MAD1L1: variants seen among roughly 807,000 people sequenced by gnomAD.
MAD1L1 encodes the protein mitotic arrest deficient 1 like 1.
MAD1L1 carries 95 observed loss-of-function variants against 96.9 expected under a neutral mutation model. The ratio of observed to expected loss-of-function variants is 0.98; its 90% CI spans 0.83 to 1.16. MAD1L1 has a LOEUF of 1.16. MAD1L1 is among the 50% of genes most tolerant of loss of function. The pLI is 0.00. For missense variants in MAD1L1, 1,007 were observed against 954.4 expected (o/e 1.06, Z -0.73); for synonymous variants, 473 against 396.6 (o/e 1.19, Z -2.29).
chr7:1,855,891 C>T (rs2128643986), intron 18 of MAD1L1, among the ~76,000 whole-genome samples: 1 of 152,292 alleles, frequency 6.6e-6, no homozygotes, highest in South Asian at 2.1e-4. Context: ...GCTGCTGGAA[C>T]CCCACAGACA....
In MAD1L1 at chr7:1,819,470, G is replaced by A. The variant is rs536363783; in HGVS notation, c.1999-3242C>T. ...CAGACCCTCGCTGGCCTGGCCTGGG[G>A]CTCACCTGCCCCTCTGGAAGCAGAG... On this transcript the variant is annotated intron_variant, in intron 18 of 18. Transcript: ENST00000265854. Among the ~76,000 whole-genome samples the A allele has an allele frequency of 3.2e-3, 489 of 152,312 alleles. 4 individuals carry two copies. The highest frequency in any genetic ancestry group is 0.011 in the African/African-American group (471 of 41,576).
Position 2,114,910 on chromosome 7 carries a change from G to C in MAD1L1, c.1073+34242C>G, listed in dbSNP as rs922250367. On this transcript the variant is annotated intron_variant, in intron 11 of 18. Coordinates refer to ENST00000265854, the MANE Select transcript of MAD1L1 (RefSeq NM_001013836.2). This position sits in a 1 kb window ranked among gnomAD's most constrained non-coding sequence, Gnocchi z 4.2. Reference sequence around the variant, plus strand: ...TCTGCTTTGCAAACACAAGGGCCTCGAAGCCCCGCCTTCCGGTGAGCACCG... The same window carrying C: ...TCTGCTTTGCAAACACAAGGGCCTCCAAGCCCCGCCTTCCGGTGAGCACCG... Among the ~76,000 whole-genome samples the C allele has an allele frequency of 6.6e-6, 1 of 152,180 alleles. No individual in the cohort carries two copies. Among genetic ancestry groups the C allele is most frequent in the African/African-American group, 2.4e-5 (1 of 41,432 alleles).
At chr7:2,109,192 T>C (rs1787249993) in intron 11 of MAD1L1, among the ~76,000 whole-genome samples, 1 of 152,032 alleles carries the variant, frequency 6.6e-6, no homozygotes, top group Non-Finnish European at 1.5e-5. Flanking sequence ...CGAGCTCTGC[T>C]CCTCCTGAAA....
intron 1 of MAD1L1, among the ~76,000 whole-genome samples, chr7:2,232,566 C>G (rs1015555911): frequency 6.6e-5 from 10 of 152,212 alleles, no homozygotes; most frequent in Non-Finnish European, 1.5e-4. Flanking sequence ...ACCACGAGCA[C>G]GCGCCCCTCG....
intron 12 of MAD1L1, among the ~76,000 whole-genome samples, chr7:2,056,304 T>G (rs1204702460): frequency 1.3e-5 from 2 of 152,200 alleles, no homozygotes. Flanking sequence ...TCATGAAGCC[T>G]CAGACCTAAA....
intron 11 of MAD1L1, among the ~76,000 whole-genome samples, chr7:2,133,395 C>T (rs1291232725): frequency 6.6e-6 from 1 of 152,260 alleles, no homozygotes; most frequent in Non-Finnish European, 1.5e-5. Flanking sequence ...ATTGGGTGGT[C>T]TGTTTCCTTA....
intron 12 of MAD1L1, among the ~76,000 whole-genome samples, chr7:2,060,368 T>C (rs1334870764): frequency 1.3e-5 from 2 of 150,118 alleles, no homozygotes; most frequent in East Asian, 4.0e-4. Context: ...GATGCCAAGA[T>C]ACACCGATGC....
intron 12 of MAD1L1, among the ~76,000 whole-genome samples, chr7:2,032,546 C>T (rs1413310957): frequency 6.6e-6 from 1 of 152,250 alleles, no homozygotes; most frequent in Non-Finnish European, 1.5e-5. Flanking sequence ...ACTGAAAGCT[C>T]ATCTCAGCTG....
chr7:1,903,301 C>T (rs1787383259), intron 17 of MAD1L1, among the ~76,000 whole-genome samples: 1 of 151,042 alleles, frequency 6.6e-6, no homozygotes. Context: ...AAGCACTGTT[C>T]CAGGCAGCGA....
intron 13 of MAD1L1, among the ~76,000 whole-genome samples, chr7:2,005,740 G>T (rs1782002964): frequency 6.6e-6 from 1 of 152,158 alleles, no homozygotes; most frequent in Non-Finnish European, 1.5e-5. Context: ...GGTTGAGGCT[G>T]CAGTGAGCCA....
intron 5 of MAD1L1, chr7:2,221,019 G>C: frequency 1.2e-6 from 2 of 1,612,048 alleles, no homozygotes; most frequent in South Asian, 2.2e-5. Context: ...TGACAATCAG[G>C]ACCCTGTGAC....
At chr7:1,816,314 G>C in intron 18 of MAD1L1, 86 bp from the exon 19 acceptor site, 1 of 1,360,856 alleles carries the variant, frequency 7.3e-7, no homozygotes, top group Non-Finnish European at 1.0e-6. Context: ...AGCCCCTCCA[G>C]CCATGGGGGC....
intron 12 of MAD1L1, among the ~76,000 whole-genome samples, chr7:2,020,153 C>G (rs185824314): frequency 1.1e-4 from 17 of 152,200 alleles, no homozygotes; most frequent in Admixed American, 5.2e-4. Flanking sequence ...GAGGAGCCGC[C>G]CAGGCTGCGG....
intron 15 of MAD1L1, among the ~76,000 whole-genome samples, chr7:1,959,217 A>G (rs1469841938): frequency 6.6e-6 from 1 of 152,156 alleles, no homozygotes; most frequent in Non-Finnish European, 1.5e-5. Context: ...ACCCCAGTGC[A>G]CTCCAGCACT....
At position 2,114,132 on chromosome 7, in the gene MAD1L1, G is replaced by T. The variant is rs573883436; in HGVS notation, c.1073+35020C>A. Among the ~76,000 whole-genome samples, 3 of 152,300 alleles carry T rather than the reference G, an allele frequency of 2.0e-5. No individual in the cohort carries two copies. In the East Asian group the frequency reaches 5.8e-4, roughly 29 times the overall value. On this transcript the variant is annotated intron_variant, in intron 11 of 18. Transcript: ENST00000265854. This position sits in a 1 kb window ranked among gnomAD's most constrained non-coding sequence, Gnocchi z 4.2. Reference sequence around the variant, plus strand: ...GTTACCCTCGGGAAAGCTGGCGGAGGGTGCGTCGAAACATTCTCCACGACT... The same window carrying T: ...GTTACCCTCGGGAAAGCTGGCGGAGTGTGCGTCGAAACATTCTCCACGACT...
intron 16 of MAD1L1, among the ~76,000 whole-genome samples, chr7:1,948,336 G>A (rs1179055057): frequency 5.9e-5 from 9 of 151,538 alleles, no homozygotes; most frequent in Non-Finnish European, 1.3e-4. Context: ...ACCCCCCAGT[G>A]ACCGTGTGCT....
chr7:1,974,599 A>G (rs962471686), intron 15 of MAD1L1, among the ~76,000 whole-genome samples: 2 of 152,276 alleles, frequency 1.3e-5, no homozygotes, highest in Non-Finnish European at 2.9e-5. Flanking sequence ...AAAATACAGA[A>G]GGTAGGACAA....
chr7:2,049,846 C>T (rs902295198), intron 12 of MAD1L1, among the ~76,000 whole-genome samples: 3 of 151,448 alleles, frequency 2.0e-5, no homozygotes, highest in Admixed American at 6.6e-5. Flanking sequence ...CCAGACCACA[C>T]GTTCACAGGG....
chr7:2,127,243 A>G (rs1392662329), intron 11 of MAD1L1, among the ~76,000 whole-genome samples: 1 of 152,050 alleles, frequency 6.6e-6, no homozygotes, highest in Non-Finnish European at 1.5e-5. Flanking sequence ...GCCCTCCCCT[A>G]CTTATGACAA....
Sources: gnomAD v4.1 joint callset for allele counts (sites outside exome capture counted in the v4.1 genomes callset) on GRCh38, gnomAD v4.1.1 for gene constraint, Gnocchi (gnomAD v3.1) non-coding constraint, MANE v1.5 for transcripts, NCBI Gene and HGNC (gene_info 2026-07-23, HGNC 2026-07-21) for gene names.